The following TBC1D22B variants were observed in gnomAD, a reference collection of about 807,000 sequenced individuals.
TBC1D22B encodes the protein TBC1 domain family member 22B, also known as chromosome 6 open reading frame 197.
TBC1D22B carries 32 observed loss-of-function variants against 69.1 expected under a neutral mutation model. The observed-to-expected ratio is 0.46, with a 90% CI of 0.35 to 0.62. The LOEUF (loss-of-function observed/expected upper bound fraction) is 0.62. Among genes scored for constraint, TBC1D22B ranks in the 20% least tolerant of loss-of-function variants. The probability of loss-of-function intolerance (pLI) is 0.00; values close to 1 mark genes in which losing one functional copy is unlikely to be tolerated. For synonymous variants in TBC1D22B, 206 were observed against 229.8 expected, an observed-to-expected ratio of 0.90 and a Z score of 0.94; for missense variants, 462 against 630.9, an observed-to-expected ratio of 0.73 and a Z score of 2.87.
intron 8 of TBC1D22B, among the ~76,000 whole-genome samples, chr6:37,303,082 G>C (rs1012684581): frequency 6.6e-6 from 1 of 152,166 alleles, no homozygotes; most frequent in African/African-American, 2.4e-5. Flanking sequence ...TCTGAAAGCT[G>C]TGCATGACTC....
At chr6:37,276,202 T>C (rs1048086610) in intron 2 of TBC1D22B, among the ~76,000 whole-genome samples, 8 of 152,138 alleles carry the variant, frequency 5.3e-5, no homozygotes, top group Non-Finnish European at 7.4e-5. Context: ...TGACCTCAGG[T>C]GATCTGCCTG....
Position 37,331,997 on chromosome 6 carries a change from GTTA to G in TBC1D22B, c.*830_*832del, listed in dbSNP as rs1327069607. The G allele has an allele frequency of 1.3e-5, 2 of 152,610 alleles. No individual in the cohort carries two copies. The highest frequency in any genetic ancestry group is 2.9e-5 in the Non-Finnish European group (2 of 68,032). 9.5% of individuals were successfully genotyped at this position (152,610 alleles called of 1,614,324 possible). A position where few individuals can be genotyped will look rare whatever the true frequency, so the allele number is the denominator to read the frequency against. On this transcript the variant is annotated 3_prime_UTR_variant, in exon 13 of 13. Transcript: ENST00000373491. ...CTCCAAGATATTATGTGTAAATTGT[GTTA>G]TTATGTATATGGGTAAAGATGTACA...
Position 37,304,706 on chromosome 6 carries a change from T to A in TBC1D22B, c.983-8212T>A, listed in dbSNP as rs1767658058. On this transcript the variant is annotated intron_variant, in intron 8 of 12. Coordinates refer to ENST00000373491, the MANE Select transcript of TBC1D22B (RefSeq NM_017772.4). ...TATTTGGATGGGGGCATTTTTTTTT[T>A]AAACCATAGACATAAACATGTGTCA... 2.0e-5 allele frequency among the ~76,000 whole-genome samples: 3 copies of A among 152,122 alleles called. No individual in the cohort carries two copies. The South Asian group carries it at 6.2e-4, about 32-fold the overall frequency.
chr6:37,267,488 ATAATATATATACACTATATATATAAT>A (rs1397467075), intron 1 of TBC1D22B, among the ~76,000 whole-genome samples: 8 of 2,276 alleles, frequency 3.5e-3, no homozygotes, highest in African/African-American at 0.012. Context: ...TACACTATAT[ATAATATATATACACTATATATATAAT>A]ATATATATAC....
At chr6:37,326,427 G>A (rs1768406833) in intron 12 of TBC1D22B, among the ~76,000 whole-genome samples, 1 of 149,996 alleles carries the variant, frequency 6.7e-6, no homozygotes. Context: ...GTCCTTTGTT[G>A]GCTGTTCTTG....
chr6:37,301,157 G>A (rs556726546), intron 8 of TBC1D22B, among the ~76,000 whole-genome samples: 2 of 152,260 alleles, frequency 1.3e-5, no homozygotes, highest in East Asian at 1.9e-4. Context: ...ATGTAGGAGT[G>A]GGGAACCTTT....
chr6:37,300,794 A>T, intron 8 of TBC1D22B, among the ~76,000 whole-genome samples: 1 of 152,058 alleles, frequency 6.6e-6, no homozygotes, highest in Non-Finnish European at 1.5e-5. Flanking sequence ...TTTATTTTTT[A>T]TCTTTTTCTC....
chr6:37,313,070 G>T, intron 9 of TBC1D22B, 46 bp downstream of exon 9: 1 of 1,445,536 alleles, frequency 6.9e-7, no homozygotes. Context: ...AGGTCCAGAG[G>T]CTCCCAGCAG....
intron 10 of TBC1D22B, among the ~76,000 whole-genome samples, chr6:37,315,362 G>T (rs1404822836): frequency 6.6e-6 from 1 of 151,952 alleles, no homozygotes; most frequent in East Asian, 1.9e-4. Flanking sequence ...TTCAAGACCA[G>T]CCTGGGCAAC....
intron 2 of TBC1D22B, among the ~76,000 whole-genome samples, chr6:37,271,537 G>A (rs1483020490): frequency 6.6e-6 from 1 of 152,030 alleles, no homozygotes; most frequent in East Asian, 1.9e-4. Context: ...GAGTGTATAG[G>A]AAATCTCTGT....
chr6:37,285,596 G>A (rs561987010), intron 6 of TBC1D22B, among the ~76,000 whole-genome samples: 35 of 152,116 alleles, frequency 2.3e-4, no homozygotes, highest in Non-Finnish European at 4.0e-4. Context: ...GGGTTCCAGC[G>A]ATTCTCCTGC....
At chr6:37,300,621 C>A (rs868530719) in intron 8 of TBC1D22B, among the ~76,000 whole-genome samples, 2 of 152,058 alleles carry the variant, frequency 1.3e-5, no homozygotes, top group African/African-American at 4.8e-5. Context: ...CTTGGCCTCC[C>A]AAAACACCGG....
chr6:37,319,212 A>C (rs1768168246), intron 12 of TBC1D22B, among the ~76,000 whole-genome samples: 1 of 152,236 alleles, frequency 6.6e-6, no homozygotes, highest in Non-Finnish European at 1.5e-5. Context: ...CAGGCCACTG[A>C]TTAAGAACCA....
At chr6:37,278,854 GC>G (rs1766740346) in intron 2 of TBC1D22B, among the ~76,000 whole-genome samples, 3 of 151,910 alleles carry the variant, frequency 2.0e-5, no homozygotes, top group African/African-American at 7.3e-5. Context: ...GATCACTTGA[GC>G]CCAGGAGGTC....
chr6:37,298,670 C>T (rs192074619), intron 8 of TBC1D22B, among the ~76,000 whole-genome samples: 4 of 151,522 alleles, frequency 2.6e-5, no homozygotes, highest in African/African-American at 9.7e-5. Flanking sequence ...CTCAGCCTCC[C>T]GATTAGCTGG....
intron 9 of TBC1D22B, 120 bp downstream of exon 9, chr6:37,313,144 C>T: frequency 1.3e-6 from 1 of 747,114 alleles, no homozygotes; most frequent in South Asian, 1.5e-5. Context: ...ACTATGGCTC[C>T]TCCTCCTTTT....
At chr6:37,269,082 A>G (rs1163194362) in intron 1 of TBC1D22B, among the ~76,000 whole-genome samples, 1 of 152,146 alleles carries the variant, frequency 6.6e-6, no homozygotes, top group Non-Finnish European at 1.5e-5. Flanking sequence ...ACTGGGTCTT[A>G]GGGTATGCAT....
intron 12 of TBC1D22B, among the ~76,000 whole-genome samples, chr6:37,325,698 C>T (rs4711491): frequency 0.9 from 136,508 of 151,960 alleles, 61,379 homozygotes; most frequent in African/African-American, 0.94. Flanking sequence ...TACAGGGGCA[C>T]GCCATGACGC....
intron 7 of TBC1D22B, among the ~76,000 whole-genome samples, chr6:37,287,321 CT>C (rs1767037130): frequency 6.6e-6 from 1 of 152,332 alleles, no homozygotes; most frequent in East Asian, 1.9e-4. Flanking sequence ...GAACCCACAT[CT>C]TAGAATTCCT....
Sources: allele counts gnomAD v4.1 joint callset (sites outside exome capture counted in the v4.1 genomes callset), GRCh38; gene constraint gnomAD v4.1.1; transcripts MANE v1.5; gene names NCBI Gene and HGNC (gene_info 2026-07-23, HGNC 2026-07-21).